Variants in MRPL12 observed in about 807,000 individuals in gnomAD.
MRPL12 encodes large ribosomal subunit protein bL12m.
A neutral mutation model predicts 21.1 loss-of-function variants in MRPL12; 13 were observed. That is an observed-to-expected ratio of 0.62 (90% CI 0.40 to 0.98). The LOEUF is 0.98. Ranked by LOEUF, MRPL12 falls within the 50% of genes least tolerant of loss-of-function variation. The pLI, the probability that MRPL12 is intolerant of heterozygous loss-of-function variation, is 0.00. For missense variants in MRPL12, 251 were observed against 268.6 expected (o/e 0.93, Z 0.46); for synonymous variants, 126 against 115.3 (o/e 1.09, Z -0.60).
chr17:81,705,977 G>C (rs35939148), intron 3 of MRPL12, among the ~76,000 whole-genome samples: 10,256 of 152,310 alleles, frequency 0.067, 414 homozygotes, highest in East Asian at 0.22. Flanking sequence ...CTTTTGAGGA[G>C]GGAGAAGATG....
intron 2 of MRPL12, 47 bp from the exon 3 acceptor site, chr17:81,704,586 C>T (rs1476135245): frequency 1.2e-5 from 19 of 1,605,500 alleles, no homozygotes; most frequent in African/African-American, 2.7e-5. Context: ...CAGTAGGTTC[C>T]GGCTGGTGTG....
At chr17:81,706,057 C>T (rs1016217206) in intron 3 of MRPL12, among the ~76,000 whole-genome samples, 2 of 152,180 alleles carry the variant, frequency 1.3e-5, no homozygotes, top group African/African-American at 2.4e-5. Context: ...GGTCTCCATG[C>T]GCCACGTCAG....
In MRPL12 at chr17:81,706,992, G is replaced by T; in HGVS notation, c.432G>T (p.Lys144Asn). ...AGGCGAAGCCCGTGGACAAAGTGAA[G>T]CTGATCAAGGAAATCAAGAACTACA... ...LTEAKPVDKV[K>N]LIKEIKNYIQ... The change falls in exon 4 of 5, where the codon AAG (lysine) becomes AAT (asparagine). Residue 144 changes from lysine to asparagine, a missense_variant. Physicochemically the swap from Lys to Asn is moderately conservative, Grantham distance 94 (BLOSUM62 0). Coordinates refer to ENST00000333676, the MANE Select transcript of MRPL12 (RefSeq NM_002949.4). The T allele has an allele frequency of 1.9e-6, 3 of 1,614,164 alleles. No homozygotes were observed. The highest frequency in any genetic ancestry group is 2.5e-6 in the Non-Finnish European group (3 of 1,180,044).
In MRPL12 at chr17:81,704,720, A is replaced by G. The variant is rs1455535968; in HGVS notation, c.345+4A>G. 1 of 1,608,712 alleles carries G rather than the reference A, an allele frequency of 6.2e-7. No homozygotes were observed. Among genetic ancestry groups the G allele is most frequent in the Non-Finnish European group, 8.5e-7 (1 of 1,177,180 alleles). Reference sequence around the variant, plus strand: ...CCCTGCTGCAGCAGCCCAGGAGGTGAGTCCTGGGCAGAATGAGGCATTTCT... The same window carrying G: ...CCCTGCTGCAGCAGCCCAGGAGGTGGGTCCTGGGCAGAATGAGGCATTTCT... On this transcript the variant is annotated splice_donor_region_variant and intron_variant, in intron 3 of 4. Coordinates refer to ENST00000333676, the MANE Select transcript of MRPL12 (RefSeq NM_002949.4).
Position 81,704,387 on chromosome 17 carries a change from G to A in MRPL12, c.218G>A (p.Ser73Asn), listed in dbSNP as rs143140143. 128 of 1,613,468 alleles carry A rather than the reference G, an allele frequency of 7.9e-5. No homozygotes were observed. The highest frequency in any genetic ancestry group is 1.1e-4 in the Non-Finnish European group (126 of 1,179,912). The change falls in exon 2 of 5, where the codon AGC (serine) becomes AAC (asparagine). Residue 73 changes from serine to asparagine, a missense_variant. Coordinates refer to ENST00000333676, the MANE Select transcript of MRPL12 (RefSeq NM_002949.4). ...CAGCAGCTGGTCCAGGACATCGCCA[G>A]CCTCACTCTCTTGGAAATCTCAGAC... ...KIQQLVQDIA[S>N]LTLLEISDLN...
At position 81,707,015 on chromosome 17, in the gene MRPL12, A is replaced by G. The variant is rs749530243; in HGVS notation, c.455A>G (p.Tyr152Cys). The G allele has an allele frequency of 1.1e-5, 18 of 1,614,010 alleles. 1 individual carries two copies. The South Asian group carries it at 1.6e-4, about 15-fold the overall frequency. ...KVKLIKEIKN[Y>C]IQGINLVQAK... The stretch of plus-strand genomic sequence containing the variant: ...AAGCTGATCAAGGAAATCAAGAACT[A>G]CATCCAAGGCATCAACCTCGTCCAG... The change falls in exon 4 of 5, where the codon TAC (tyrosine) becomes TGC (cysteine). Residue 152 changes from tyrosine to cysteine, a missense_variant. Coordinates refer to ENST00000333676, the MANE Select transcript of MRPL12 (RefSeq NM_002949.4).
In MRPL12 at chr17:81,703,414, C is replaced by A. The variant is rs891983942; in HGVS notation, c.-88C>A. 1.7e-6 allele frequency: 2 copies of A among 1,175,282 alleles called. No homozygotes were observed. The highest frequency in any genetic ancestry group is 3.1e-5 in the East Asian group (1 of 31,844). 72.8% of individuals were successfully genotyped at this position (1,175,282 alleles called of 1,614,324 possible). ...GGCAGCCGTGGCGGCTAGAGCGTTC[C>A]TCCCCAGCTCGAATGCCCGGCGGCC... On this transcript the variant is annotated 5_prime_UTR_variant, in exon 1 of 5. Transcript: ENST00000333676.
chr17:81,707,404 T>G lies in MRPL12; in HGVS notation c.*164T>G. 1 of 670,952 alleles carries G rather than the reference T, an allele frequency of 1.5e-6. No individual in the cohort carries two copies. The highest frequency in any genetic ancestry group is 2.4e-6 in the Non-Finnish European group (1 of 414,408). 41.6% of individuals were successfully genotyped at this position (670,952 alleles called of 1,614,324 possible). On this transcript the variant is annotated 3_prime_UTR_variant, in exon 5 of 5. Coordinates refer to ENST00000333676, the MANE Select transcript of MRPL12 (RefSeq NM_002949.4). ...CCGGACAGGCCGCACAGACCTACTG[T>G]GGCGGGAGGGAGGGGCGGCTGCTGC...
chr17:81,706,719 A>C (rs1417521920), intron 3 of MRPL12, among the ~76,000 whole-genome samples, 187 bp from the exon 4 acceptor site: 3 of 152,072 alleles, frequency 2.0e-5, no homozygotes, highest in Admixed American at 2.0e-4. Context: ...AAAAAGAGAA[A>C]AGAAAAGAAA....
At chr17:81,706,288 ACT>A (rs1236065646) in intron 3 of MRPL12, among the ~76,000 whole-genome samples, 1 of 151,922 alleles carries the variant, frequency 6.6e-6, no homozygotes, top group Non-Finnish European at 1.5e-5. Flanking sequence ...ACCGAGTCTC[ACT>A]CTGTCACCCA....
rs766244982 is a variant in MRPL12 at position 81,707,278 on chromosome 17, C to T, written c.*38C>T. Reference sequence around the variant, plus strand: ...AGGACTTGTGTTCAGGGGTCCTGGGCCCCGGGCGAGGTCCCGCCCTCCCGT... The same window carrying T: ...AGGACTTGTGTTCAGGGGTCCTGGGTCCCGGGCGAGGTCCCGCCCTCCCGT... On this transcript the variant is annotated 3_prime_UTR_variant, in exon 5 of 5. Coordinates refer to ENST00000333676, the MANE Select transcript of MRPL12 (RefSeq NM_002949.4). The T allele has an allele frequency of 2.0e-6, 3 of 1,520,914 alleles. No homozygotes were observed. Among genetic ancestry groups the T allele is most frequent in the Admixed American group, 4.1e-5 (2 of 48,604 alleles). The allele number at this position is 1,520,914 out of a possible 1,614,324, so 94.2% of individuals were successfully genotyped here.
intron 3 of MRPL12, 140 bp from the exon 4 acceptor site, chr17:81,706,766 C>A: frequency 1.1e-6 from 1 of 907,844 alleles, no homozygotes; most frequent in Non-Finnish European, 1.7e-6. Flanking sequence ...AGTTGGGAGA[C>A]GTGACTTCCA....
intron 3 of MRPL12, among the ~76,000 whole-genome samples, chr17:81,705,647 G>A (rs1451032521): frequency 3.3e-5 from 5 of 152,194 alleles, no homozygotes; most frequent in South Asian, 4.1e-4. Context: ...ACAGGCTGGC[G>A]CAGGCGAAGG....
chr17:81,703,472 A>C lies in MRPL12; in HGVS notation c.-30A>C, dbSNP rs550332320. 5.0e-4 allele frequency: 734 copies of C among 1,475,514 alleles called. No individual in the cohort carries two copies. Among genetic ancestry groups the C allele is most frequent in the South Asian group, 2.0e-3 (159 of 79,392 alleles). 91.4% of individuals were successfully genotyped at this position (1,475,514 alleles called of 1,614,324 possible). A position where few individuals can be genotyped will look rare whatever the true frequency, so the allele number is the denominator to read the frequency against. ...CTAGAGCGTCGCCTCCTCCCGGGGA[A>C]CCGCGTGTGACCTTCCAGCCCGCGG... is the stretch of plus-strand genomic sequence containing the variant. On this transcript the variant is annotated 5_prime_UTR_variant, in exon 1 of 5. Transcript: ENST00000333676.
chr17:81,703,405 A>T lies in MRPL12; in HGVS notation c.-97A>T. 9.6e-7 allele frequency: 1 copy of T among 1,041,258 alleles called. No homozygotes were observed. Among genetic ancestry groups the T allele is most frequent in the Non-Finnish European group, 1.3e-6 (1 of 753,190 alleles). The allele number at this position is 1,041,258 out of a possible 1,614,324, so 64.5% of individuals were successfully genotyped here. On this transcript the variant is annotated 5_prime_UTR_variant, in exon 1 of 5. The change abolishes the stop of an existing upstream ORF in the 5' untranslated region. Transcript: ENST00000333676. ...CGAATGCCCGGCAGCCGTGGCGGCT[A>T]GAGCGTTCCTCCCCAGCTCGAATGC...
chr17:81,706,784 G>T, intron 3 of MRPL12, 122 bp from the exon 4 acceptor site: 2 of 1,205,730 alleles, frequency 1.7e-6, no homozygotes, highest in Non-Finnish European at 2.3e-6. Context: ...CCAACTCCAG[G>T]CTTCGCTGGG....
intron 3 of MRPL12, among the ~76,000 whole-genome samples, chr17:81,706,184 G>A (rs758096658): frequency 1.3e-5 from 2 of 152,298 alleles, no homozygotes; most frequent in South Asian, 2.1e-4. Context: ...TTTTGGTGTC[G>A]TTCTTTCCTG....
intron 3 of MRPL12, among the ~76,000 whole-genome samples, chr17:81,705,079 A>AG (rs2037300351): frequency 6.7e-6 from 1 of 149,954 alleles, no homozygotes; most frequent in African/African-American, 2.5e-5. Context: ...TACTAAAAAT[A>AG]CAAAAAAAAA....
intron 3 of MRPL12, among the ~76,000 whole-genome samples, chr17:81,705,389 CAAAAAAAAAA>C (rs758967615): frequency 1.2e-3 from 79 of 63,246 alleles, no homozygotes; most frequent in Middle Eastern, 7.6e-3. Flanking sequence ...GACCCTGTCT[CAAAAAAAAAA>C]AAAAAAAAAA....
Sources: allele counts gnomAD v4.1 joint callset (sites outside exome capture counted in the v4.1 genomes callset), GRCh38; gene constraint gnomAD v4.1.1; transcripts MANE v1.5; gene names NCBI Gene and HGNC (gene_info 2026-07-23, HGNC 2026-07-21).